Variants in GPC5 observed in about 807,000 individuals in gnomAD.
GPC5 encodes glypican-5.
In GPC5, 47 loss-of-function variants were observed where a neutral mutation model predicts 53.9. That is an observed-to-expected ratio of 0.87 (90% confidence interval 0.69 to 1.11). The LOEUF (loss-of-function observed/expected upper bound fraction) is 1.11. Ranked by LOEUF, GPC5 falls within the 50% of genes most tolerant of loss-of-function variation. GPC5 has a pLI of 0.00. For missense variants in GPC5, 748 were observed against 713.1 expected, an observed-to-expected ratio of 1.05 and a Z score of -0.56; for synonymous variants, 286 against 263.3, an observed-to-expected ratio of 1.09 and a Z score of -0.84.
chr13:92,177,652 A>G (rs1318791321), intron 7 of GPC5, among the ~76,000 whole-genome samples: 1 of 152,106 alleles, frequency 6.6e-6, no homozygotes, highest in Non-Finnish European at 1.5e-5. Flanking sequence ...CTTCTGTATT[A>G]TGTCAGCAAA....
chr13:91,459,178 ACTC>A (rs1426391442), intron 2 of GPC5, among the ~76,000 whole-genome samples: 1 of 151,508 alleles, frequency 6.6e-6, no homozygotes, highest in Admixed American at 6.6e-5. Context: ...ATGTAACCAA[ACTC>A]CTCCACCTGT....
intron 7 of GPC5, among the ~76,000 whole-genome samples, chr13:92,603,735 G>A (rs1043723536): frequency 4.6e-5 from 7 of 152,186 alleles, no homozygotes; most frequent in Admixed American, 1.3e-4. Context: ...GAGTGGTTAG[G>A]TCTGTGGGTG....
chr13:92,638,428 A>C (rs1392568053), intron 7 of GPC5, among the ~76,000 whole-genome samples: 2 of 152,178 alleles, frequency 1.3e-5, no homozygotes, highest in African/African-American at 2.4e-5. Context: ...ACCTTGGTCC[A>C]GAGTGAGAAG....
chr13:92,856,190 G>C (rs1399915442), intron 7 of GPC5, among the ~76,000 whole-genome samples: 7 of 152,036 alleles, frequency 4.6e-5, no homozygotes, highest in Non-Finnish European at 1.0e-4. Flanking sequence ...GGGATGCAAG[G>C]TTGGGTCAAT....
intron 2 of GPC5, among the ~76,000 whole-genome samples, chr13:91,685,121 TACAAACAAACAA>T (rs377713018): frequency 3.9e-5 from 6 of 152,006 alleles, no homozygotes; most frequent in South Asian, 4.2e-4. Flanking sequence ...ACACTGTCTC[TACAAACAAACAA>T]ACAAACAAAC....
Position 92,004,247 on chromosome 13 carries a change from C to A in GPC5, c.1401+96190C>A, listed in dbSNP as rs182280209. On this transcript the variant is annotated intron_variant, in intron 6 of 7. Transcript: ENST00000377067. ...GGATCACAAGGTCAAGAGATGGAGA[C>A]CATCCTGGCCAACATGGTGAAACCC... Among the ~76,000 whole-genome samples the A allele has an allele frequency of 4.5e-3, 685 of 151,400 alleles. 6 individuals carry two copies. Among genetic ancestry groups the A allele is most frequent in the African/African-American group, 0.016 (651 of 41,232 alleles).
At chr13:92,027,512 T>C (rs1008101676) in intron 6 of GPC5, among the ~76,000 whole-genome samples, 9 of 152,220 alleles carry the variant, frequency 5.9e-5, no homozygotes, top group African/African-American at 1.7e-4. Flanking sequence ...TTCTGTTCAG[T>C]GTTTGAAATG....
chr13:92,828,850 A>C (rs1877944308), intron 7 of GPC5, among the ~76,000 whole-genome samples: 1 of 152,152 alleles, frequency 6.6e-6, no homozygotes, highest in African/African-American at 2.4e-5. Context: ...ATAGGAGGTT[A>C]GAAGGGAGTT....
chr13:92,133,822 A>C (rs2041763483), intron 6 of GPC5, among the ~76,000 whole-genome samples: 1 of 152,158 alleles, frequency 6.6e-6, no homozygotes, highest in Admixed American at 6.5e-5. Flanking sequence ...AAGAACAGAA[A>C]ATGCTGATTC....
intron 7 of GPC5, among the ~76,000 whole-genome samples, chr13:92,276,160 G>C (rs964444214): frequency 6.6e-6 from 1 of 152,122 alleles, no homozygotes; most frequent in South Asian, 2.1e-4. Context: ...GGTTACTTGG[G>C]CTGATACAAC....
chr13:92,547,996 ATTT>A (rs35318055), intron 7 of GPC5, among the ~76,000 whole-genome samples: 1 of 136,206 alleles, frequency 7.3e-6, no homozygotes, highest in Non-Finnish European at 1.6e-5. Flanking sequence ...CGCCTGGCTA[ATTT>A]TTTTTTTTTT....
chr13:92,049,313 A>G (rs1249502363), intron 6 of GPC5, among the ~76,000 whole-genome samples: 1 of 152,142 alleles, frequency 6.6e-6, no homozygotes, highest in Non-Finnish European at 1.5e-5. Flanking sequence ...TGCCCTTAGT[A>G]CATATCACTA....
At chr13:92,589,465 C>A (rs1883648068) in intron 7 of GPC5, among the ~76,000 whole-genome samples, 1 of 152,220 alleles carries the variant, frequency 6.6e-6, no homozygotes, top group African/African-American at 2.4e-5. Context: ...TTGGATCCTG[C>A]CCCATTATGC....
At chr13:92,336,045 A>G (rs1473604587) in intron 7 of GPC5, among the ~76,000 whole-genome samples, 2 of 152,128 alleles carry the variant, frequency 1.3e-5, no homozygotes, top group Non-Finnish European at 2.9e-5. Flanking sequence ...TTTGGAGTAT[A>G]GTTAAGTATC....
chr13:91,653,392 T>G (rs1341154801), intron 2 of GPC5, among the ~76,000 whole-genome samples: 1 of 151,648 alleles, frequency 6.6e-6, no homozygotes, highest in Non-Finnish European at 1.5e-5. Flanking sequence ...GTAGTAGGGG[T>G]GTAGAGGGGA....
At chr13:91,688,382 T>C (rs981926582) in intron 2 of GPC5, among the ~76,000 whole-genome samples, 22 of 152,112 alleles carry the variant, frequency 1.4e-4, no homozygotes, top group Non-Finnish European at 2.9e-4. Context: ...TTTTTATTGG[T>C]TGGATTTAAG....
chr13:91,995,863 T>C (rs1272984375), intron 6 of GPC5: 1 of 152,196 alleles, frequency 6.6e-6, no homozygotes, highest in Non-Finnish European at 1.5e-5. Flanking sequence ...CAATAAGGCA[T>C]TTTAGGTCTC....
chr13:92,327,425 A>G (rs902124706), intron 7 of GPC5, among the ~76,000 whole-genome samples: 2 of 152,158 alleles, frequency 1.3e-5, no homozygotes, highest in South Asian at 2.1e-4. Flanking sequence ...GGAAATTAGC[A>G]TGTTCTCTTA....
chr13:92,728,391 A>G (rs1170510907), intron 7 of GPC5, among the ~76,000 whole-genome samples: 1 of 151,424 alleles, frequency 6.6e-6, no homozygotes, highest in Non-Finnish European at 1.5e-5. Flanking sequence ...TAGACAAAGA[A>G]ATTGAATGTT....
Sources: allele counts gnomAD v4.1 joint callset (sites outside exome capture counted in the v4.1 genomes callset), GRCh38; gene constraint gnomAD v4.1.1; transcripts MANE v1.5; gene names NCBI Gene and HGNC (gene_info 2026-07-23, HGNC 2026-07-21).